ALG11: variants seen among roughly 807,000 people sequenced by gnomAD.
The protein encoded by ALG11 is ALG11 alpha-1,2-mannosyltransferase.
In ALG11, 26 loss-of-function variants were observed where a neutral mutation model predicts 38.8. The ratio of observed to expected loss-of-function variants is 0.67; its 90% CI spans 0.49 to 0.93. The LOEUF (loss-of-function observed/expected upper bound fraction) is 0.93, where lower values mean the gene tolerates loss of function less well. Among genes scored for constraint, ALG11 ranks in the 40% least tolerant of loss-of-function variants. The probability of loss-of-function intolerance (pLI) is 0.00; values close to 1 mark genes in which losing one functional copy is unlikely to be tolerated. For missense variants in ALG11, 535 were observed against 578.8 expected, an observed-to-expected ratio of 0.92 and a Z score of 0.78; for synonymous variants, 199 against 211.6, an observed-to-expected ratio of 0.94 and a Z score of 0.52.
At chr13:52,014,204 C>G (rs564680404) in intron 1 of ALG11, among the ~76,000 whole-genome samples, 30 of 152,232 alleles carry the variant, frequency 2.0e-4, no homozygotes, top group Non-Finnish European at 3.7e-4. Flanking sequence ...AGATTGAATG[C>G]AGAAACAGAA....
At chr13:52,028,177 T>C in intron 3 of ALG11, 142 bp from the exon 4 acceptor site, 1 of 938,920 alleles carries the variant, frequency 1.1e-6, no homozygotes, top group Non-Finnish European at 1.6e-6. Flanking sequence ...ACTGTAGAAG[T>C]TGAATAAGCA....
In ALG11 at chr13:52,029,279, C is replaced by A; in HGVS notation, c.*689C>A. The A allele has an allele frequency of 6.2e-7, 1 of 1,614,160 alleles. No individual in the cohort carries two copies. The highest frequency in any genetic ancestry group is 8.5e-7 in the Non-Finnish European group (1 of 1,180,042). ...CCAGCAGGCAGAGCAGCTGGTTTTT[C>A]CCCTGGGGAAGGAGCAGCCAGCCAT... On this transcript the variant is annotated 3_prime_UTR_variant, in exon 4 of 4. Coordinates refer to ENST00000521508, the MANE Select transcript of ALG11 (RefSeq NM_001004127.3).
intron 1 of ALG11, 36 bp downstream of exon 1, chr13:52,012,498 C>G (rs769861808): frequency 1.2e-6 from 2 of 1,613,658 alleles, no homozygotes; most frequent in Admixed American, 3.3e-5. Context: ...CAGACGTTTT[C>G]TCTTCTGTAG....
chr13:52,020,101 T>C (rs1433555621), intron 2 of ALG11, among the ~76,000 whole-genome samples: 4 of 152,210 alleles, frequency 2.6e-5, no homozygotes, highest in African/African-American at 9.7e-5. Flanking sequence ...CTGAATACTT[T>C]CAGGCAGTTG....
chr13:52,029,126 A>C lies in ALG11; in HGVS notation c.*536A>C. ...GGCCACTGTAAAAAAGCAACTGAAT[A>C]GAGTCAAATCAAAGAAGGTGGTGGA... is the stretch of plus-strand genomic sequence containing the variant. On this transcript the variant is annotated 3_prime_UTR_variant, in exon 4 of 4. Transcript: ENST00000521508. 1 of 1,614,242 alleles carries C rather than the reference A, an allele frequency of 6.2e-7. No individual in the cohort carries two copies. The highest frequency in any genetic ancestry group is 8.5e-7 in the Non-Finnish European group (1 of 1,180,050).
Position 52,018,945 on chromosome 13 carries a change from T to C in ALG11, c.77T>C (p.Ile26Thr). Reference protein sequence around the residue: ...FFYSLFFPGLIVCGTLCVCLV... With the variant: ...FFYSLFFPGLTVCGTLCVCLV... The stretch of plus-strand genomic sequence containing the variant: ...TATTCATTATTCTTCCCTGGGCTCA[T>C]TGTATGTGGAACTTTATGTGTGTGT... The change falls in exon 2 of 4, where the codon ATT (isoleucine) becomes ACT (threonine). Residue 26 changes from isoleucine (I) to threonine (T), a missense_variant. Ile to Thr is a moderately conservative substitution (Grantham distance 89). Transcript: ENST00000521508. The C allele has an allele frequency of 6.2e-7, 1 of 1,614,122 alleles. No homozygotes were observed. The highest frequency in any genetic ancestry group is 8.5e-7 in the Non-Finnish European group (1 of 1,179,990).
At chr13:52,014,088 T>G (rs1044838326) in intron 1 of ALG11, among the ~76,000 whole-genome samples, 2 of 152,160 alleles carry the variant, frequency 1.3e-5, no homozygotes, top group Admixed American at 6.5e-5. Flanking sequence ...TTAAATATAT[T>G]TTAAACATAA....
At position 52,030,483 on chromosome 13, in the gene ALG11, A is replaced by G. The variant is rs1249657775; in HGVS notation, c.*1893A>G. ...GAGAAGGAGCAACTGATCAACCTAC[A>G]GAACTTCCTGACCACACAGTCTCCT... On this transcript the variant is annotated 3_prime_UTR_variant, in exon 4 of 4. Transcript: ENST00000521508. 2.5e-6 allele frequency: 4 copies of G among 1,614,244 alleles called. No homozygotes were observed. The highest frequency in any genetic ancestry group is 3.4e-6 in the Non-Finnish European group (4 of 1,180,038).
rs756649339 is a variant in ALG11, at chr13:52,024,883, TTGTC to T, written c.1156_1159del (p.Ser386LysfsTer48). Reference sequence around the variant, plus strand: ...TCCATTTGATGAATTAAAGAATTATTTGTCTGAAGCAACAATTGGTCTGCATACC... The same window carrying T: ...TCCATTTGATGAATTAAAGAATTATTTGAAGCAACAATTGGTCTGCATACC... On this transcript the variant is annotated frameshift_variant, in exon 3 of 4. Coordinates refer to ENST00000521508, the MANE Select transcript of ALG11 (RefSeq NM_001004127.3). LOFTEE classifies it high-confidence loss of function. 2 of 1,613,388 alleles carry T rather than the reference TTGTC, an allele frequency of 1.2e-6. No homozygotes were observed. Among genetic ancestry groups the T allele is most frequent in the Non-Finnish European group, 1.7e-6 (2 of 1,180,032 alleles).
At chr13:52,028,180 A>G in intron 3 of ALG11, 139 bp from the exon 4 acceptor site, 3 of 973,130 alleles carry the variant, frequency 3.1e-6, no homozygotes, top group Non-Finnish European at 4.6e-6. Context: ...GTAGAAGTTG[A>G]ATAAGCAAAT....
In ALG11 at chr13:52,032,111, A is replaced by T. The variant is rs572967589; in HGVS notation, c.*3521A>T. On this transcript the variant is annotated 3_prime_UTR_variant, in exon 4 of 4. Transcript: ENST00000521508. ...GTGGCAGGCACCTGTAATCCCAGCT[A>T]CTTGGGAGACTGAGGCAGGAGAATT... 11 of 152,902 alleles carry T rather than the reference A, an allele frequency of 7.2e-5. No individual in the cohort carries two copies. Among genetic ancestry groups the T allele is most frequent in the African/African-American group, 2.6e-4 (11 of 41,584 alleles). The allele number at this position is 152,902 out of a possible 1,614,324, so 9.5% of individuals were successfully genotyped here.
chr13:52,026,672 T>C (rs1954244131), intron 3 of ALG11, among the ~76,000 whole-genome samples: 1 of 152,182 alleles, frequency 6.6e-6, no homozygotes. Context: ...GAGAATGGTG[T>C]TGGCTTTCTC....
chr13:52,026,249 G>A (rs1954239502), intron 3 of ALG11, among the ~76,000 whole-genome samples: 1 of 152,220 alleles, frequency 6.6e-6, no homozygotes, highest in Admixed American at 6.5e-5. Flanking sequence ...CCAGGAGAGA[G>A]GGGAGAGTCT....
Position 52,032,476 on chromosome 13 carries a change from A to T in ALG11, c.*3886A>T, listed in dbSNP as rs905915449. On this transcript the variant is annotated 3_prime_UTR_variant, in exon 4 of 4. Coordinates refer to ENST00000521508, the MANE Select transcript of ALG11 (RefSeq NM_001004127.3). ...TTTTGCACTTTATGCATATATAATC[A>T]ATCCTTTCTAGTTCAGTGAATTGAC... 6.0e-6 allele frequency: 1 copy of T among 167,070 alleles called. No individual in the cohort carries two copies. The highest frequency in any genetic ancestry group is 2.4e-5 in the African/African-American group (1 of 41,464). 10.3% of individuals were successfully genotyped at this position (167,070 alleles called of 1,614,324 possible).
At position 52,024,503 on chromosome 13, in the gene ALG11, C is replaced by A; in HGVS notation, c.773C>A (p.Ser258Tyr). The A allele has an allele frequency of 6.2e-7, 1 of 1,614,144 alleles. No individual in the cohort carries two copies. The highest frequency in any genetic ancestry group is 2.2e-5 in the East Asian group (1 of 44,884). ...TGCAGTGATGTAGTCATGGTCAATT[C>A]TTCTTGGACACTAAACCATATTCTC... ...GSCSDVVMVN[S>Y]SWTLNHILSL... The change falls in exon 3 of 4, where the codon TCT becomes TAT. Residue 258 changes from serine to tyrosine, a missense_variant. Coordinates refer to ENST00000521508, the MANE Select transcript of ALG11 (RefSeq NM_001004127.3).
At position 52,033,027 on chromosome 13, in the gene ALG11, C is replaced by T. The variant is rs557881166; in HGVS notation, c.*4437C>T. ...AGGAAGAAAAAGTTTTCTGGAATTCCGTAAATTATATTTTAAGCTTATTTC... is the reference window on the plus strand; with the variant it reads ...AGGAAGAAAAAGTTTTCTGGAATTCTGTAAATTATATTTTAAGCTTATTTC... On this transcript the variant is annotated 3_prime_UTR_variant, in exon 4 of 4. Transcript: ENST00000521508. 6 of 167,090 alleles carry T rather than the reference C, an allele frequency of 3.6e-5. No individual in the cohort carries two copies. The highest frequency in any genetic ancestry group is 1.2e-4 in the African/African-American group (5 of 41,540). 10.4% of individuals were successfully genotyped at this position (167,090 alleles called of 1,614,324 possible).
intron 1 of ALG11, chr13:52,016,918 C>G (rs768518770): frequency 3.3e-5 from 5 of 152,450 alleles, no homozygotes; most frequent in African/African-American, 1.2e-4. Flanking sequence ...ACAGCTTGCA[C>G]CGTGTGCCTG....
Position 52,012,401 on chromosome 13 carries a change from T to G in ALG11, c.-18T>G, listed in dbSNP as rs768037155. On this transcript the variant is annotated 5_prime_UTR_variant, in exon 1 of 4. Transcript: ENST00000521508. ...AAAGGAAAGTGAAGCGTTTCCTGAG[T>G]TCGGGGGTCGGCGGAAGATGGCGGC... 2 of 1,613,846 alleles carry G rather than the reference T, an allele frequency of 1.2e-6. No homozygotes were observed. The highest frequency in any genetic ancestry group is 1.7e-6 in the Non-Finnish European group (2 of 1,180,016).
intron 3 of ALG11, 63 bp downstream of exon 3, chr13:52,025,000 T>C (rs1954227264): frequency 6.7e-7 from 1 of 1,501,970 alleles, no homozygotes. Flanking sequence ...GTTCTTTTGA[T>C]AAAATGATAA....
Sources: gnomAD v4.1 joint callset for allele counts (sites outside exome capture counted in the v4.1 genomes callset) on GRCh38, gnomAD v4.1.1 for gene constraint, MANE v1.5 for transcripts, NCBI Gene and HGNC (gene_info 2026-07-23, HGNC 2026-07-21) for gene names.